The following RNASEH2B variants were observed in gnomAD, a reference collection of about 807,000 sequenced individuals.
The protein encoded by RNASEH2B is ribonuclease H2 subunit B.
Under a neutral mutation model 45.0 loss-of-function variants are expected in RNASEH2B, and 36 were observed. The observed-to-expected ratio is 0.80, with a 90% CI of 0.61 to 1.06. The LOEUF is 1.06. RNASEH2B is among the 50% of genes least tolerant of loss of function. RNASEH2B has a pLI of 0.00. For missense variants in RNASEH2B, 361 were observed against 360.3 expected, an observed-to-expected ratio of 1.00 and a Z score of -0.02; for synonymous variants, 119 against 125.7, an observed-to-expected ratio of 0.95 and a Z score of 0.35.
intron 4 of RNASEH2B, chr13:50,934,501 T>C (rs1456345272): frequency 3.5e-6 from 1 of 282,254 alleles, no homozygotes; most frequent in East Asian, 8.6e-5. Context: ...TGTTCCAATG[T>C]GACAGTCAGG....
At chr13:50,943,432 A>G (rs1346300511) in intron 6 of RNASEH2B, 38 bp downstream of exon 6, 1 of 1,419,582 alleles carries the variant, frequency 7.0e-7, no homozygotes, top group Non-Finnish European at 1.0e-6. Flanking sequence ...TAAAAGTAAA[A>G]ATTCAGTTCT....
chr13:50,909,962 G>A lies in RNASEH2B; in HGVS notation c.-115G>A. 2 of 848,456 alleles carry A rather than the reference G, an allele frequency of 2.4e-6. No individual in the cohort carries two copies. The highest frequency in any genetic ancestry group is 3.4e-6 in the Non-Finnish European group (2 of 582,890). 52.6% of individuals were successfully genotyped at this position (848,456 alleles called of 1,614,324 possible). On this transcript the variant is annotated 5_prime_UTR_variant, in exon 1 of 11. Coordinates refer to ENST00000336617, the MANE Select transcript of RNASEH2B (RefSeq NM_024570.4). The stretch of plus-strand genomic sequence containing the variant: ...CTGGGCCTCCTCCCGGGCGCTGCCG[G>A]TCCCTCAGCGCGCCGCGCCACCCGG...
intron 9 of RNASEH2B, among the ~76,000 whole-genome samples, chr13:50,965,655 A>G (rs1243894865): frequency 6.6e-6 from 1 of 152,208 alleles, no homozygotes; most frequent in Non-Finnish European, 1.5e-5. Context: ...TAGTATTTGA[A>G]GTCCAAGGAC....
chr13:50,918,299 A>G (rs1350977364), intron 1 of RNASEH2B, among the ~76,000 whole-genome samples: 1 of 151,898 alleles, frequency 6.6e-6, no homozygotes, highest in Non-Finnish European at 1.5e-5. Context: ...CACCATGCCC[A>G]GCTAATTTTT....
At chr13:50,948,134 G>A in intron 8 of RNASEH2B, 66 bp downstream of exon 8, 1 of 1,598,118 alleles carries the variant, frequency 6.3e-7, no homozygotes, top group Non-Finnish European at 8.5e-7. Context: ...CAGCAGTGGG[G>A]TTTCCTTATG....
chr13:50,945,006 G>C (rs1951882944), intron 6 of RNASEH2B, among the ~76,000 whole-genome samples: 1 of 152,184 alleles, frequency 6.6e-6, no homozygotes, highest in Middle Eastern at 3.2e-3. Flanking sequence ...TCTATTGTAA[G>C]GGCTTTATTT....
At chr13:50,917,762 C>A (rs1879823118) in intron 1 of RNASEH2B, among the ~76,000 whole-genome samples, 1 of 152,178 alleles carries the variant, frequency 6.6e-6, no homozygotes, top group African/African-American at 2.4e-5. Context: ...TGATGCCTCA[C>A]CACTGTGGGA....
In RNASEH2B at chr13:50,930,771, G is replaced by A. The variant is rs1251325470; in HGVS notation, c.321+12G>A. The A allele has an allele frequency of 1.3e-6, 2 of 1,595,200 alleles. No homozygotes were observed. Among genetic ancestry groups the A allele is most frequent in the Non-Finnish European group, 1.7e-6 (2 of 1,162,764 alleles). On this transcript the variant is annotated intron_variant, in intron 4 of 10. Coordinates refer to ENST00000336617, the MANE Select transcript of RNASEH2B (RefSeq NM_024570.4). Reference sequence around the variant, plus strand: ...AGGCTGATAAGGAGGTGAGTTTCCAGCTCGGAGCATCCACAGTGAGGAAAC... The same window carrying A: ...AGGCTGATAAGGAGGTGAGTTTCCAACTCGGAGCATCCACAGTGAGGAAAC...
At chr13:50,926,367 A>G (rs1161118759) in intron 1 of RNASEH2B, among the ~76,000 whole-genome samples, 2 of 152,046 alleles carry the variant, frequency 1.3e-5, no homozygotes, top group Non-Finnish European at 2.9e-5. Context: ...TCTTTTGGTA[A>G]ATTGTTGCTA....
intron 9 of RNASEH2B, chr13:50,952,685 G>A (rs1025306908): frequency 2.0e-4 from 31 of 152,232 alleles, no homozygotes; most frequent in African/African-American, 5.1e-4. Context: ...ACAGGCATGA[G>A]TCACTGCACC....
intron 9 of RNASEH2B, 59 bp downstream of exon 9, chr13:50,949,564 A>T (rs780451460): frequency 1.4e-6 from 2 of 1,450,250 alleles, no homozygotes; most frequent in Admixed American, 3.3e-5. Flanking sequence ...CACTCTTACC[A>T]CATGAGTTTA....
At chr13:50,922,002 C>G (rs1471562099) in intron 1 of RNASEH2B, among the ~76,000 whole-genome samples, 1 of 152,208 alleles carries the variant, frequency 6.6e-6, no homozygotes, top group African/African-American at 2.4e-5. Context: ...ATGGAAGATC[C>G]TCAAGAAGTC....
intron 1 of RNASEH2B, among the ~76,000 whole-genome samples, chr13:50,917,836 C>T (rs916465539): frequency 5.9e-5 from 9 of 152,168 alleles, no homozygotes; most frequent in Non-Finnish European, 4.4e-5. Context: ...AGGGACCAGA[C>T]ATACCTCCTT....
downstream of RNASEH2B, among the ~76,000 whole-genome samples, chr13:50,960,345 A>G (rs1057220494): frequency 6.6e-6 from 1 of 152,064 alleles, no homozygotes; most frequent in Non-Finnish European, 1.5e-5. Flanking sequence ...TTTATTATAT[A>G]TTTTACATTA....
At chr13:50,945,560 T>A (rs1347320328) in intron 7 of RNASEH2B, 28 bp downstream of exon 7, 2 of 1,520,624 alleles carry the variant, frequency 1.3e-6, no homozygotes, top group African/African-American at 2.7e-5. Context: ...TCAGAAAAGA[T>A]TTTTGTCTGG....
chr13:50,965,023 A>G (rs560090462), intron 9 of RNASEH2B, among the ~76,000 whole-genome samples: 6 of 152,264 alleles, frequency 3.9e-5, no homozygotes, highest in Admixed American at 3.9e-4. Context: ...ACTGCTTCAC[A>G]TATAGTCATG....
chr13:50,962,417 T>TC (rs35241735), intron 9 of RNASEH2B, among the ~76,000 whole-genome samples: 17,659 of 152,224 alleles, frequency 0.12, 1,346 homozygotes, highest in South Asian at 0.26. Context: ...TCTTTTTTTT[T>TC]CTTGTGCCAG....
intron 1 of RNASEH2B, among the ~76,000 whole-genome samples, chr13:50,918,355 T>C (rs1405618603): frequency 6.6e-6 from 1 of 152,180 alleles, no homozygotes; most frequent in Non-Finnish European, 1.5e-5. Context: ...ACCAGGATGG[T>C]CTCGATCTCC....
chr13:50,956,094 C>T (rs180819667), intron 10 of RNASEH2B: 2 of 389,796 alleles, frequency 5.1e-6, no homozygotes, highest in East Asian at 1.1e-4. Flanking sequence ...ATTATCTACC[C>T]CCTCCCCAGT....
Sources: allele counts gnomAD v4.1 joint callset (sites outside exome capture counted in the v4.1 genomes callset), GRCh38; gene constraint gnomAD v4.1.1; transcripts MANE v1.5; gene names NCBI Gene and HGNC (gene_info 2026-07-23, HGNC 2026-07-21).